Variants in CAST observed in about 807,000 individuals in gnomAD.
CAST encodes calpastatin.
Under a neutral mutation model 119.6 loss-of-function variants are expected in CAST, and 76 were observed. The ratio of observed to expected loss-of-function variants is 0.64; its 90% CI spans 0.53 to 0.77. CAST has a LOEUF of 0.77. Ranked by LOEUF, CAST falls within the 30% of genes least tolerant of loss-of-function variation. The pLI is 0.00. For missense variants in CAST, 953 were observed against 946.5 expected (o/e 1.01, Z -0.09); for synonymous variants, 319 against 331.6 (o/e 0.96, Z 0.41).
chr5:96,108,513 G>C, the CAST span, among the ~76,000 whole-genome samples: 9 of 152,332 alleles, frequency 5.9e-5, no homozygotes, highest in East Asian at 5.8e-4. Flanking sequence ...CCTGCTGGGG[G>C]GTGCCTCCCA....
At chr5:96,542,978 T>A (rs1745940919) in intron 1 of CAST, among the ~76,000 whole-genome samples, 1 of 152,208 alleles carries the variant, frequency 6.6e-6, no homozygotes. Context: ...AGTATGGTGA[T>A]TCCTCAAGGA....
intron 3 of CAST, among the ~76,000 whole-genome samples, chr5:96,703,439 C>T (rs1754295996): frequency 6.6e-6 from 1 of 152,178 alleles, no homozygotes; most frequent in African/African-American, 2.4e-5. Context: ...GTGTTGTAAC[C>T]TGTTTCGGTT....
the CAST span, among the ~76,000 whole-genome samples, chr5:96,183,399 A>C: frequency 1.3e-5 from 2 of 152,000 alleles, no homozygotes; most frequent in Non-Finnish European, 2.9e-5. Flanking sequence ...TAATTAAAAT[A>C]GTTTGAAAAG....
the CAST span, among the ~76,000 whole-genome samples, chr5:96,393,598 A>T: frequency 2.0e-5 from 3 of 151,890 alleles, no homozygotes; most frequent in Non-Finnish European, 4.4e-5. Flanking sequence ...CCTCAACTTC[A>T]CCTGTCAGGT....
intron 1 of CAST, among the ~76,000 whole-genome samples, chr5:96,596,700 C>T (rs1045951735): frequency 7.2e-5 from 11 of 152,146 alleles, no homozygotes; most frequent in Non-Finnish European, 8.8e-5. Flanking sequence ...CAGCCCACCT[C>T]GAGATAAGCC....
chr5:96,097,964 A>C, the CAST span, among the ~76,000 whole-genome samples: 533 of 152,068 alleles, frequency 3.5e-3, 2 homozygotes, highest in African/African-American at 4.6e-3. Flanking sequence ...GTAAGTATTC[A>C]TTTTTCTCTA....
intron 1 of CAST, among the ~76,000 whole-genome samples, chr5:96,597,912 A>C (rs765499599): frequency 8.3e-4 from 124 of 149,752 alleles, no homozygotes; most frequent in Non-Finnish European, 1.4e-3. Flanking sequence ...GAAGAAAAGA[A>C]AGGGGGAGAG....
chr5:96,405,538 GCACATGCCTGTAATCC>G, the CAST span, among the ~76,000 whole-genome samples: 1 of 152,260 alleles, frequency 6.6e-6, no homozygotes, highest in East Asian at 1.9e-4. Context: ...AGGCATGGTG[GCACATGCCTGTAATCC>G]CAGCTACTCA....
chr5:96,607,181 G>C (rs1256110630), intron 1 of CAST, among the ~76,000 whole-genome samples: 2 of 152,106 alleles, frequency 1.3e-5, no homozygotes, highest in Non-Finnish European at 2.9e-5. Flanking sequence ...CCAGCTACTC[G>C]AGAGGCTGAG....
At chr5:96,397,601 G>T in the CAST span, 1 of 777,508 alleles carries the variant, frequency 1.3e-6, no homozygotes, top group South Asian at 1.5e-5. Context: ...ATAAGACCAG[G>T]ATAGAGACAC....
intron 2 of CAST, chr5:96,675,956 A>G (rs1750658085): frequency 5.8e-6 from 1 of 172,898 alleles, no homozygotes. Context: ...TTTTATGACA[A>G]TAAACCATGA....
At chr5:96,202,684 T>C in the CAST span, among the ~76,000 whole-genome samples, 4 of 152,102 alleles carry the variant, frequency 2.6e-5, no homozygotes, top group Non-Finnish European at 4.4e-5. Context: ...TTAGGTTGCA[T>C]TGGCTGGAAA....
At chr5:96,476,714 T>C in the CAST span, among the ~76,000 whole-genome samples, 4 of 152,166 alleles carry the variant, frequency 2.6e-5, no homozygotes, top group Non-Finnish European at 5.9e-5. Context: ...GTCCTCATGT[T>C]CTTAACAAAG....
At chr5:96,315,502 G>A in the CAST span, among the ~76,000 whole-genome samples, 1 of 152,226 alleles carries the variant, frequency 6.6e-6, no homozygotes, top group African/African-American at 2.4e-5. Context: ...CCAGGGTAGA[G>A]AGCAAGACCA....
At chr5:96,558,251 C>A (rs867477100) in intron 1 of CAST, among the ~76,000 whole-genome samples, 7 of 152,014 alleles carry the variant, frequency 4.6e-5, no homozygotes, top group African/African-American at 1.7e-4. Context: ...CAAGAGAAAG[C>A]AGGAAAGATC....
the CAST span, among the ~76,000 whole-genome samples, chr5:95,984,338 G>A: frequency 1.3e-5 from 2 of 152,024 alleles, no homozygotes; most frequent in Non-Finnish European, 2.9e-5. Context: ...TTTTACTTTC[G>A]CCTTTTAGGT....
the CAST span, among the ~76,000 whole-genome samples, chr5:96,109,514 G>C: frequency 6.6e-6 from 1 of 152,304 alleles, no homozygotes; most frequent in Admixed American, 6.5e-5. Context: ...ATTTACAAAT[G>C]CTTTTTGGCA....
the CAST span, among the ~76,000 whole-genome samples, chr5:96,323,139 A>T: frequency 1.1e-4 from 17 of 152,172 alleles, no homozygotes; most frequent in Non-Finnish European, 2.5e-4. Context: ...TAGAAACTTC[A>T]GTCGATGTTC....
chr5:96,334,394 AC>A, the CAST span, among the ~76,000 whole-genome samples: 1 of 152,002 alleles, frequency 6.6e-6, no homozygotes, highest in Non-Finnish European at 1.5e-5. Context: ...ACCCACCTCC[AC>A]CCCTAGTGCA....
Sources: gnomAD v4.1 joint callset for allele counts (sites outside exome capture counted in the v4.1 genomes callset) on GRCh38, gnomAD v4.1.1 for gene constraint, MANE v1.5 for transcripts, NCBI Gene and HGNC (gene_info 2026-07-23, HGNC 2026-07-21) for gene names.